The following ADPRS variants were observed in gnomAD, a reference collection of about 807,000 sequenced individuals.
ADPRS encodes the protein ADP-ribosylhydrolase ARH3.
ADPRS carries 25 observed loss-of-function variants against 32.1 expected under a neutral mutation model. That is an observed-to-expected ratio of 0.78 (90% CI 0.57 to 1.09). The LOEUF (loss-of-function observed/expected upper bound fraction) is 1.09. ADPRS is among the 50% of genes least tolerant of loss of function. The probability of loss-of-function intolerance (pLI) is 0.00; values close to 1 mark genes in which losing one functional copy is unlikely to be tolerated. For missense variants in ADPRS, 482 were observed against 480.6 expected (o/e 1.00, Z -0.03); for synonymous variants, 225 against 201.0 (o/e 1.12, Z -1.01).
intron 1 of ADPRS, among the ~76,000 whole-genome samples, chr1:36,090,365 T>A (rs1315242855): frequency 1.3e-5 from 2 of 152,206 alleles, no homozygotes; most frequent in Non-Finnish European, 2.9e-5. Flanking sequence ...GGATGGAAGT[T>A]TTCTTTCAGA....
chr1:36,089,258 C>T, intron 1 of ADPRS, 143 bp downstream of exon 1: 2 of 977,532 alleles, frequency 2.0e-6, no homozygotes, highest in African/African-American at 1.7e-5. Flanking sequence ...CCGCAGACAG[C>T]TTGAGCTCAG....
chr1:36,088,943 G>A lies in ADPRS; in HGVS notation c.39G>A (p.Gly13=), dbSNP rs1253066906. ...AAAMAAAAGG[G]AGAARSLSRF... is the part of the protein sequence containing the mutation. ...CGATGGCGGCAGCGGCAGGTGGAGG[G>A]GCTGGCGCGGCCCGCTCCCTCTCGC... Residue 13 remains glycine (G), a synonymous_variant, in exon 1 of 6, where the codon GGG becomes GGA. Coordinates refer to ENST00000373178, the MANE Select transcript of ADPRS (RefSeq NM_017825.3). 3 of 1,520,050 alleles carry A rather than the reference G, an allele frequency of 2.0e-6. No homozygotes were observed. The highest frequency in any genetic ancestry group is 2.6e-6 in the Non-Finnish European group (3 of 1,139,098). The allele number at this position is 1,520,050 out of a possible 1,614,324, so 94.2% of individuals were successfully genotyped here.
rs1458676206 is a variant in ADPRS at position 36,091,652 on chromosome 1, G to A, written c.343G>A (p.Gly115Ser). The change falls in exon 3 of 6, where the codon GGC (glycine) becomes AGC (serine). Residue 115 changes from glycine to serine, a missense_variant. Coordinates refer to ENST00000373178, the MANE Select transcript of ADPRS (RefSeq NM_017825.3). ...GGAGTACAAGAAAGACCCTGACAGG[G>A]GCTATGGTGCTGGAGTAGTCACTGT... ...AQEYKKDPDRGYGAGVVTVFK... is the reference protein window; with the variant it reads ...AQEYKKDPDRSYGAGVVTVFK... The A allele has an allele frequency of 4.3e-6, 7 of 1,611,700 alleles. No homozygotes were observed. The African/African-American group carries it at 8.0e-5, about 18-fold the overall frequency.
At position 36,093,696 on chromosome 1, in the gene ADPRS, T is replaced by TG; in HGVS notation, c.*312dup. The TG allele has an allele frequency of 3.0e-6, 1 of 329,326 alleles. No individual in the cohort carries two copies. The highest frequency in any genetic ancestry group is 4.3e-5 in the Admixed American group (1 of 23,258). The allele number at this position is 329,326 out of a possible 1,614,324, so 20.4% of individuals were successfully genotyped here. On this transcript the variant is annotated 3_prime_UTR_variant, in exon 6 of 6. Transcript: ENST00000373178. ...CTTGTGGCATTTTCCTGTATTGTCTTGGACATGGGATGTGGGGAGGTGGAA... is the reference window on the plus strand; with the variant it reads ...CTTGTGGCATTTTCCTGTATTGTCTTGGGACATGGGATGTGGGGAGGTGGAA...
chr1:36,089,228 CGGGGCCAGAGCCGGA>C, intron 1 of ADPRS, 113 bp downstream of exon 1: 6 of 1,228,096 alleles, frequency 4.9e-6, no homozygotes, highest in Non-Finnish European at 6.4e-6. Flanking sequence ...CCGAGGGCAC[CGGGGCCAGAGCCGGA>C]TGACCCGCAG....
At chr1:36,092,554 T>A (rs958905882) in intron 5 of ADPRS, 32 bp downstream of exon 5, 7 of 1,603,936 alleles carry the variant, frequency 4.4e-6, no homozygotes, top group Non-Finnish European at 6.0e-6. Flanking sequence ...TGTCTCTCCC[T>A]CTGTCGTCCT....
chr1:36,088,934 A>C lies in ADPRS; in HGVS notation c.30A>C (p.Ala10=), dbSNP rs1643437972. MAAAAMAAA[A]GGGAGAARSL... is the part of the protein sequence containing the mutation. ...CCGCAGCGGCGATGGCGGCAGCGGC[A>C]GGTGGAGGGGCTGGCGCGGCCCGCT... The change falls in exon 1 of 6, where the codon GCA becomes GCC. Residue 10 remains alanine (A), a synonymous_variant. Transcript: ENST00000373178. 1 of 1,526,732 alleles carries C rather than the reference A, an allele frequency of 6.5e-7. No homozygotes were observed. Among genetic ancestry groups the C allele is most frequent in the South Asian group, 1.2e-5 (1 of 83,332 alleles). 94.6% of individuals were successfully genotyped at this position (1,526,732 alleles called of 1,614,324 possible).
chr1:36,090,990 G>T (rs1435238879), intron 1 of ADPRS, among the ~76,000 whole-genome samples: 2 of 152,116 alleles, frequency 1.3e-5, no homozygotes, highest in Non-Finnish European at 2.9e-5. Flanking sequence ...GGACAACAGA[G>T]TGAGACCCTG....
In ADPRS at chr1:36,093,653, G is replaced by T. The variant is rs1027648959; in HGVS notation, c.*267G>T. On this transcript the variant is annotated 3_prime_UTR_variant, in exon 6 of 6. Coordinates refer to ENST00000373178, the MANE Select transcript of ADPRS (RefSeq NM_017825.3). ...CAGTAGGACAGACAGACGCAGGCGG[G>T]TTTATTTTGGAGGGGTACTTGTGGC... 1.1e-5 allele frequency: 5 copies of T among 460,690 alleles called. No homozygotes were observed. The highest frequency in any genetic ancestry group is 9.6e-5 in the African/African-American group (5 of 52,068). 28.5% of individuals were successfully genotyped at this position (460,690 alleles called of 1,614,324 possible).
Position 36,092,093 on chromosome 1 carries a change from G to A in ADPRS, c.700G>A (p.Glu234Lys). The change falls in exon 4 of 6, where the codon GAG (glutamate) becomes AAG (lysine). Residue 234 changes from glutamate to lysine, a missense_variant and splice_region_variant. Physicochemically the swap from Glu to Lys is moderately conservative, Grantham distance 56 (BLOSUM62 1). Coordinates refer to ENST00000373178, the MANE Select transcript of ADPRS (RefSeq NM_017825.3). ...GDAQSVLDAR[E>K]LGMEERPYSS... ...TGCCCAGTCCGTCTTGGATGCCAGGGAGTGAGTATGGGGCTGGAGGTGTGT... is the reference window on the plus strand; with the variant it reads ...TGCCCAGTCCGTCTTGGATGCCAGGAAGTGAGTATGGGGCTGGAGGTGTGT... The A allele has an allele frequency of 6.2e-7, 1 of 1,603,926 alleles. No individual in the cohort carries two copies. Among genetic ancestry groups the A allele is most frequent in the Middle Eastern group, 1.7e-4 (1 of 5,994 alleles).
chr1:36,091,554 C>A, intron 2 of ADPRS, 64 bp from the exon 3 acceptor site: 4 of 1,466,680 alleles, frequency 2.7e-6, no homozygotes, highest in Non-Finnish European at 3.7e-6. Context: ...GCCTCGATTT[C>A]TTCTCTCCCA....
Position 36,092,068 on chromosome 1 carries a change from T to C in ADPRS, c.675T>C (p.Asp225=), listed in dbSNP as rs1343428100. ...LLGHMEDLEG[D]AQSVLDAREL... ...GCCACATGGAGGATCTGGAGGGTGA[T>C]GCCCAGTCCGTCTTGGATGCCAGGG... Residue 225 remains aspartate, a synonymous_variant, in exon 4 of 6, where the codon GAT becomes GAC. Coordinates refer to ENST00000373178, the MANE Select transcript of ADPRS (RefSeq NM_017825.3). 1.2e-6 allele frequency: 2 copies of C among 1,611,788 alleles called. No individual in the cohort carries two copies. Among genetic ancestry groups the C allele is most frequent in the African/African-American group, 2.7e-5 (2 of 74,888 alleles).
rs1421410408 is a variant in ADPRS, at chr1:36,091,828, A to G, written c.516+3A>G. Reference sequence around the variant, plus strand: ...GCAGTGTCCAGGATGTGCAGAAGGTATTCAGGGCGGGCTGGCTTCTGGGCT... The same window carrying G: ...GCAGTGTCCAGGATGTGCAGAAGGTGTTCAGGGCGGGCTGGCTTCTGGGCT... On this transcript the variant is annotated splice_donor_region_variant and intron_variant, in intron 3 of 5. Transcript: ENST00000373178. 1.3e-6 allele frequency: 2 copies of G among 1,592,276 alleles called. No homozygotes were observed. The highest frequency in any genetic ancestry group is 1.7e-6 in the Non-Finnish European group (2 of 1,165,118).
At chr1:36,089,265 T>G in intron 1 of ADPRS, 150 bp downstream of exon 1, 1 of 913,436 alleles carries the variant, frequency 1.1e-6, no homozygotes, top group Non-Finnish European at 1.5e-6. Flanking sequence ...CAGCTTGAGC[T>G]CAGCGAGTGC....
intron 1 of ADPRS, among the ~76,000 whole-genome samples, chr1:36,089,765 C>T (rs1453149246): frequency 6.6e-6 from 1 of 152,192 alleles, no homozygotes; most frequent in African/African-American, 2.4e-5. Context: ...CGTTTTCCGC[C>T]AGCCTTGGCC....
chr1:36,089,856 A>G (rs1240080155), intron 1 of ADPRS, among the ~76,000 whole-genome samples: 2 of 152,072 alleles, frequency 1.3e-5, no homozygotes, highest in African/African-American at 4.8e-5. Context: ...TGTAAAACTA[A>G]CTTCCCTTCC....
In ADPRS at chr1:36,092,023, C is replaced by A; in HGVS notation, c.630C>A (p.His210Gln). 3 of 1,614,094 alleles carry A rather than the reference C, an allele frequency of 1.9e-6. No individual in the cohort carries two copies. Among genetic ancestry groups the A allele is most frequent in the Non-Finnish European group, 8.5e-7 (1 of 1,179,998 alleles). The stretch of plus-strand genomic sequence containing the variant: ...TGCAGGGCGAGTCTTCCAGCGAGCA[C>A]TTTCTCAAGCAACTCCTGGGCCACA... ...LALQGESSSE[H>Q]FLKQLLGHME... The change falls in exon 4 of 6, where the codon CAC (histidine) becomes CAA (glutamine). Residue 210 changes from histidine to glutamine, a missense_variant. Physicochemically the swap from His to Gln is conservative, Grantham distance 24. Coordinates refer to ENST00000373178, the MANE Select transcript of ADPRS (RefSeq NM_017825.3).
Position 36,091,159 on chromosome 1 carries a change from ACT to A in ADPRS, c.212-82_212-81del, listed in dbSNP as rs777336826. The A allele has an allele frequency of 4.6e-6, 5 of 1,084,230 alleles. No homozygotes were observed. In the African/African-American group the frequency reaches 4.7e-5, roughly 10 times the overall value. 67.2% of individuals were successfully genotyped at this position (1,084,230 alleles called of 1,614,324 possible). On this transcript the variant is annotated intron_variant, in intron 1 of 5. Transcript: ENST00000373178. ...ACTCCAGTCTGGGCAACAGAGCGAG[ACT>A]CTGTCTCCAAAAAAAGCAAAAAACA... is the stretch of plus-strand genomic sequence containing the variant.
chr1:36,091,160 C>T, intron 1 of ADPRS, 84 bp from the exon 2 acceptor site: 1 of 1,117,864 alleles, frequency 8.9e-7, no homozygotes. Context: ...CAGAGCGAGA[C>T]TCTGTCTCCA....
Sources: gnomAD v4.1 joint callset for allele counts (sites outside exome capture counted in the v4.1 genomes callset) on GRCh38, gnomAD v4.1.1 for gene constraint, MANE v1.5 for transcripts, NCBI Gene and HGNC (gene_info 2026-07-23, HGNC 2026-07-21) for gene names.